The following SPATS2 variants were observed in gnomAD, a reference collection of about 807,000 sequenced individuals.
SPATS2 encodes spermatogenesis-associated serine-rich protein 2.
In SPATS2, 38 loss-of-function variants were observed where a neutral mutation model predicts 63.7. That is an observed-to-expected ratio of 0.60 (90% CI 0.46 to 0.78). The LOEUF is 0.78. Ranked by LOEUF, SPATS2 falls within the 30% of genes least tolerant of loss-of-function variation. The probability of loss-of-function intolerance (pLI) is 0.00; values close to 1 mark genes in which losing one functional copy is unlikely to be tolerated. For synonymous variants in SPATS2, 207 were observed against 232.9 expected (o/e 0.89, Z 1.01); for missense variants, 588 against 666.2 (o/e 0.88, Z 1.29).
chr12:49,516,153 AAAAAAAAAAAAAAATAT>A (rs1946837284), intron 10 of SPATS2, among the ~76,000 whole-genome samples: 1 of 43,760 alleles, frequency 2.3e-5, no homozygotes, highest in South Asian at 9.4e-4. Context: ...AAAAAAAAAA[AAAAAAAAAAAAAAATAT>A]ATATATATAT....
intron 2 of SPATS2, among the ~76,000 whole-genome samples, chr12:49,426,814 A>G (rs941826551): frequency 2.0e-5 from 3 of 152,046 alleles, no homozygotes; most frequent in African/African-American, 7.2e-5. Flanking sequence ...AAGTGCTGGG[A>G]TTACAGGCGT....
At chr12:49,498,144 A>AT (rs1555191163) in intron 8 of SPATS2, among the ~76,000 whole-genome samples, 5,680 of 111,438 alleles carry the variant, frequency 0.051, 110 homozygotes, top group Non-Finnish European at 0.074. Flanking sequence ...AAAAAAAAAA[A>AT]AATATATATA....
intron 10 of SPATS2, among the ~76,000 whole-genome samples, chr12:49,515,757 C>T (rs1355656596): frequency 6.6e-6 from 1 of 152,032 alleles, no homozygotes; most frequent in Non-Finnish European, 1.5e-5. Context: ...TGGTGGCTCA[C>T]GCATATAATC....
In SPATS2 at chr12:49,424,328, C is replaced by T. The variant is rs887863812; in HGVS notation, c.-243-36442C>T. ...CAGCAGCCATCTTCTTCTGAGACAT[C>T]TGTGATATTAACCAGAACATACCTG... On this transcript the variant is annotated intron_variant, in intron 2 of 13. Transcript: ENST00000552918. Among the ~76,000 whole-genome samples, 10 of 152,314 alleles carry T rather than the reference C, an allele frequency of 6.6e-5. No individual in the cohort carries two copies. The East Asian group carries it at 1.9e-3, about 29-fold the overall frequency.
intron 10 of SPATS2, 74 bp downstream of exon 10, chr12:49,514,687 A>C: frequency 1.5e-6 from 2 of 1,361,468 alleles, no homozygotes; most frequent in Non-Finnish European, 2.0e-6. Flanking sequence ...CCCTTATAAC[A>C]AAAGTTCCAT....
chr12:49,469,631 C>G (rs1027743920), intron 3 of SPATS2: 2 of 408,134 alleles, frequency 4.9e-6, no homozygotes, highest in Non-Finnish European at 9.5e-6. Flanking sequence ...TGGCTCACAT[C>G]TGTAATTCCA....
intron 4 of SPATS2, among the ~76,000 whole-genome samples, chr12:49,486,870 T>C (rs1946303947): frequency 6.6e-6 from 1 of 152,076 alleles, no homozygotes. Flanking sequence ...TTTTAGACTT[T>C]TTCGTGGATG....
At chr12:49,429,604 T>C (rs1417228419) in intron 2 of SPATS2, among the ~76,000 whole-genome samples, 1 of 151,028 alleles carries the variant, frequency 6.6e-6, no homozygotes, top group African/African-American at 2.4e-5. Context: ...TGCCACCACG[T>C]ACCCAGCTAA....
upstream of SPATS2, chr12:49,367,437 G>T: frequency 2.5e-6 from 1 of 400,646 alleles, no homozygotes; most frequent in Non-Finnish European, 4.4e-6. Context: ...GTCCGGCTCT[G>T]AGAGAGCTGG....
intron 12 of SPATS2, among the ~76,000 whole-genome samples, chr12:49,524,384 G>A (rs578239349): frequency 7.2e-5 from 11 of 152,322 alleles, no homozygotes; most frequent in Non-Finnish European, 1.6e-4. Flanking sequence ...ATAGTCAGGA[G>A]TTTAGGTAGT....
chr12:49,514,537 T>C lies in SPATS2; in HGVS notation c.840-18T>C. On this transcript the variant is annotated intron_variant, in intron 9 of 13. Coordinates refer to ENST00000552918, the MANE Select transcript of SPATS2 (RefSeq NM_023071.4). ...AGTTTCTGATCAAACTTTTTATTCC[T>C]TTGTCATCTTTTCCTAGTTTAATGG... 1.2e-6 allele frequency: 2 copies of C among 1,610,446 alleles called. No individual in the cohort carries two copies. The highest frequency in any genetic ancestry group is 1.1e-5 in the South Asian group (1 of 90,126).
At chr12:49,411,754 G>A (rs1944801333) in intron 2 of SPATS2, among the ~76,000 whole-genome samples, 2 of 152,124 alleles carry the variant, frequency 1.3e-5, no homozygotes, top group African/African-American at 4.8e-5. Context: ...TCACACAATG[G>A]AGAAAGTAAT....
Position 49,485,158 on chromosome 12 carries a change from C to G in SPATS2, c.105+489C>G, listed in dbSNP as rs559083199. Among the ~76,000 whole-genome samples, 60 of 151,476 alleles carry G rather than the reference C, an allele frequency of 4.0e-4. 2 individuals carry two copies. In the South Asian group the frequency reaches 0.013, roughly 32 times the overall value. The stretch of plus-strand genomic sequence containing the variant: ...TGGGCTCACTGCAAGCTCTGCCTTC[C>G]GGGTTCGCGCCATTCTCCTGCCTCA... On this transcript the variant is annotated intron_variant, in intron 4 of 13. Coordinates refer to ENST00000552918, the MANE Select transcript of SPATS2 (RefSeq NM_023071.4).
At chr12:49,426,636 C>T (rs910369708) in intron 2 of SPATS2, among the ~76,000 whole-genome samples, 15 of 152,128 alleles carry the variant, frequency 9.9e-5, no homozygotes, top group East Asian at 1.9e-4. Flanking sequence ...CTCCGCCTCC[C>T]GGGTACACGC....
rs1947037361 is a variant in SPATS2 at position 49,526,427 on chromosome 12, G to A, written c.*172G>A. 1 of 796,712 alleles carries A rather than the reference G, an allele frequency of 1.3e-6. No homozygotes were observed. The highest frequency in any genetic ancestry group is 1.9e-6 in the Non-Finnish European group (1 of 527,266). 49.4% of individuals were successfully genotyped at this position (796,712 alleles called of 1,614,324 possible). On this transcript the variant is annotated 3_prime_UTR_variant, in exon 14 of 14. Transcript: ENST00000552918. ...TCCTTATTTCCTCTTTACCATTTTT[G>A]GAGGGGAAGCTATTTTTTTTCCTTG... is the stretch of plus-strand genomic sequence containing the variant.
intron 2 of SPATS2, among the ~76,000 whole-genome samples, chr12:49,394,406 T>C (rs185226164): frequency 4.6e-5 from 7 of 151,854 alleles, no homozygotes; most frequent in African/African-American, 9.7e-5. Context: ...GGGATTTTGA[T>C]TGAGATTGCA....
intron 2 of SPATS2, among the ~76,000 whole-genome samples, chr12:49,435,669 G>A (rs1484778564): frequency 3.0e-5 from 3 of 98,412 alleles, no homozygotes; most frequent in Middle Eastern, 5.7e-3. Flanking sequence ...TTTTTTAATT[G>A]ATCATTCTTG....
At chr12:49,380,881 C>CTT (rs773377635) in intron 2 of SPATS2, among the ~76,000 whole-genome samples, 2 of 136,192 alleles carry the variant, frequency 1.5e-5, no homozygotes, top group African/African-American at 2.7e-5. Context: ...TATAGTAATT[C>CTT]TTTTTTTTTT....
At chr12:49,373,797 C>T (rs191639494) in intron 2 of SPATS2, among the ~76,000 whole-genome samples, 33 of 152,220 alleles carry the variant, frequency 2.2e-4, no homozygotes, top group African/African-American at 7.9e-4. Flanking sequence ...TGGTGGCATA[C>T]ACCTGTAGTC....
Sources: gnomAD v4.1 joint callset for allele counts (sites outside exome capture counted in the v4.1 genomes callset) on GRCh38, gnomAD v4.1.1 for gene constraint, MANE v1.5 for transcripts, NCBI Gene and HGNC (gene_info 2026-07-23, HGNC 2026-07-21) for gene names.